The following C1orf141 variants were observed in gnomAD, a reference collection of about 807,000 sequenced individuals.
C1orf141 encodes uncharacterized protein C1orf141.
In C1orf141, 19 loss-of-function variants were observed where a neutral mutation model predicts 23.2. The observed-to-expected ratio is 0.82, with a 90% CI of 0.57 to 1.20. C1orf141 has a LOEUF of 1.20. C1orf141 is among the 50% of genes most tolerant of loss of function. The pLI, the probability that C1orf141 is intolerant of heterozygous loss-of-function variation, is 0.00. For synonymous variants in C1orf141, 153 were observed against 154.6 expected (o/e 0.99, Z 0.08); for missense variants, 469 against 455.1 (o/e 1.03, Z -0.28).
intron 5 of C1orf141, 74 bp from the exon 6 acceptor site, chr1:67,096,395 T>G: frequency 1.3e-6 from 1 of 769,238 alleles, no homozygotes; most frequent in Non-Finnish European, 2.1e-6. Context: ...GCACAAAATA[T>G]TTTACAATTT....
intron 3 of C1orf141, 104 bp downstream of exon 3, chr1:67,127,062 T>C: frequency 2.9e-6 from 2 of 689,452 alleles, no homozygotes; most frequent in African/African-American, 1.8e-5. Flanking sequence ...TACAAATTAG[T>C]TTATATCATA....
chr1:67,104,540 G>A (rs2102436974), intron 5 of C1orf141, among the ~76,000 whole-genome samples: 1 of 152,172 alleles, frequency 6.6e-6, no homozygotes, highest in South Asian at 2.1e-4. Flanking sequence ...ATTCTTAAAA[G>A]GAATGTAAGG....
At position 67,096,290 on chromosome 1, in the gene C1orf141, C is replaced by G; in HGVS notation, c.378G>C (p.Leu126Phe). The part of the protein sequence containing the change: ...AQIEKKPRKP[L>F]DSVGLLEGDR... The stretch of plus-strand genomic sequence containing the variant: ...CACCTTCTAAGAGACCAACAGAATC[C>G]AATGGTTTCCTAGGTTTTTTTTCAA... The change falls in exon 6 of 8, where the codon TTG (leucine) becomes TTC (phenylalanine). Residue 126 changes from leucine (L) to phenylalanine (F), a missense_variant. Physicochemically the swap from Leu to Phe is conservative, Grantham distance 22. This residue lies in a region of C1orf141 where 370 missense variants were observed against 348.1 expected (regional missense o/e 1.06). Coordinates refer to ENST00000684719, the MANE Select transcript of C1orf141 (RefSeq NM_001276351.2). 6.5e-7 allele frequency: 1 copy of G among 1,529,922 alleles called. No homozygotes were observed. Among genetic ancestry groups the G allele is most frequent in the Non-Finnish European group, 8.9e-7 (1 of 1,126,144 alleles). 94.8% of individuals were successfully genotyped at this position (1,529,922 alleles called of 1,614,324 possible).
chr1:67,121,576 T>C (rs1646299717), intron 4 of C1orf141: 2 of 152,234 alleles, frequency 1.3e-5, no homozygotes, highest in Admixed American at 1.3e-4. Flanking sequence ...CCATGAATAA[T>C]AGTAAAATAT....
At chr1:67,141,149 A>G (rs1646633453) in intron 1 of C1orf141, among the ~76,000 whole-genome samples, 1 of 152,244 alleles carries the variant, frequency 6.6e-6, no homozygotes, top group Non-Finnish European at 1.5e-5. Context: ...CTTTATACAC[A>G]GAATGATTCT....
At chr1:67,140,234 T>G (rs913901362) in intron 1 of C1orf141, among the ~76,000 whole-genome samples, 3 of 152,192 alleles carry the variant, frequency 2.0e-5, no homozygotes, top group Non-Finnish European at 4.4e-5. Context: ...GCAAAATATT[T>G]AAAGTAAAAA....
chr1:67,119,201 A>G (rs750627177), intron 4 of C1orf141, among the ~76,000 whole-genome samples: 1 of 152,218 alleles, frequency 6.6e-6, no homozygotes, highest in African/African-American at 2.4e-5. Flanking sequence ...GATGAACAAA[A>G]TGTTGGTAGA....
Position 67,127,275 on chromosome 1 carries a change from G to A in C1orf141, c.-17-18C>T, listed in dbSNP as rs146536890. 7.3e-7 allele frequency: 1 copy of A among 1,379,090 alleles called. No homozygotes were observed. The highest frequency in any genetic ancestry group is 1.0e-6 in the Non-Finnish European group (1 of 979,826). The allele number at this position is 1,379,090 out of a possible 1,614,324, so 85.4% of individuals were successfully genotyped here. ...CTAAATTCCTATTTTAAAATAAGGA[G>A]GAAGAAGAACAAATCAATTCAAATT... On this transcript the variant is annotated intron_variant, in intron 2 of 7. Transcript: ENST00000684719.
chr1:67,115,439 C>T lies in C1orf141; in HGVS notation c.259G>A (p.Glu87Lys). The T allele has an allele frequency of 6.8e-7, 1 of 1,476,830 alleles. No homozygotes were observed. The highest frequency in any genetic ancestry group is 9.3e-7 in the Non-Finnish European group (1 of 1,076,204). The allele number at this position is 1,476,830 out of a possible 1,614,324, so 91.5% of individuals were successfully genotyped here. The change falls in exon 5 of 8, where the codon GAA (glutamate) becomes AAA (lysine). Residue 87 changes from glutamate (E) to lysine (K), a missense_variant. By Grantham distance (56) the Glu-to-Lys change is moderately conservative (BLOSUM62 1). This residue lies in a region of C1orf141 where 4 missense variants were observed against 16.7 expected (regional missense o/e 0.24). Transcript: ENST00000684719. ...TTTTCAAAATTACTCTTTCTAGGTT[C>T]AGGCTCACATTTGAAAGAGACATGC... is the stretch of plus-strand genomic sequence containing the variant. ...KMHVSFKCEP[E>K]PRKSNFEKSN...
At chr1:67,131,891 T>C (rs1281835136) in intron 1 of C1orf141, among the ~76,000 whole-genome samples, 1 of 151,384 alleles carries the variant, frequency 6.6e-6, no homozygotes, top group Non-Finnish European at 1.5e-5. Flanking sequence ...TTCAAGTGAT[T>C]CTCCTGCCTC....
At chr1:67,099,015 A>G (rs931208781) in intron 5 of C1orf141, among the ~76,000 whole-genome samples, 1 of 152,222 alleles carries the variant, frequency 6.6e-6, no homozygotes, top group Non-Finnish European at 1.5e-5. Context: ...CAAGTCTTGG[A>G]CATTTACCCA....
chr1:67,095,931 G>A (rs373207163), intron 6 of C1orf141: 3 of 204,444 alleles, frequency 1.5e-5, no homozygotes, highest in African/African-American at 7.0e-5. Flanking sequence ...GAGATGGAAG[G>A]GTTCATGAGA....
rs58157985 is a variant in C1orf141 at position 67,109,326 on chromosome 1, C to CAAAAAAA, written c.346+6019_346+6025dup. 6.6e-4 allele frequency among the ~76,000 whole-genome samples: 55 copies of CAAAAAAA among 83,410 alleles called. 2 individuals carry two copies. Among genetic ancestry groups the CAAAAAAA allele is most frequent in the African/African-American group, 2.5e-3 (50 of 20,304 alleles). 54.7% of individuals were successfully genotyped at this position (83,410 alleles called of 152,430 possible). ...TGGGCGACAGAGCGAGACTCCGTCT[C>CAAAAAAA]AAAAAAAAAAAAAAAAAAAAAAAAA... On this transcript the variant is annotated intron_variant, in intron 5 of 7. Coordinates refer to ENST00000684719, the MANE Select transcript of C1orf141 (RefSeq NM_001276351.2).
chr1:67,125,039 TA>T (rs1358845738), intron 4 of C1orf141, among the ~76,000 whole-genome samples: 1 of 152,212 alleles, frequency 6.6e-6, no homozygotes, highest in African/African-American at 2.4e-5. Flanking sequence ...ATGCAAGTAC[TA>T]AATGCCAGTG....
intron 5 of C1orf141, among the ~76,000 whole-genome samples, chr1:67,114,555 A>G (rs1317479271): frequency 2.0e-5 from 3 of 152,254 alleles, no homozygotes; most frequent in African/African-American, 7.2e-5. Context: ...AAGAAGGTTG[A>G]TGAGAATTAT....
chr1:67,108,799 A>T (rs1358731079), intron 5 of C1orf141, among the ~76,000 whole-genome samples: 1 of 152,128 alleles, frequency 6.6e-6, no homozygotes, highest in Non-Finnish European at 1.5e-5. Context: ...TGAATAGATA[A>T]TTTTCAAAAT....
chr1:67,120,972 C>G (rs186348021), intron 4 of C1orf141, among the ~76,000 whole-genome samples: 30 of 152,284 alleles, frequency 2.0e-4, no homozygotes, highest in African/African-American at 7.0e-4. Flanking sequence ...TGTAGCTGCT[C>G]TCCTTGGTTG....
intron 5 of C1orf141, among the ~76,000 whole-genome samples, chr1:67,108,494 T>C (rs973460697): frequency 2.0e-5 from 3 of 152,134 alleles, no homozygotes; most frequent in Non-Finnish European, 4.4e-5. Context: ...CAACCACATA[T>C]GATAAAAATC....
upstream of C1orf141, among the ~76,000 whole-genome samples, chr1:67,135,994 G>A (rs556827098): frequency 6.8e-5 from 10 of 147,164 alleles, no homozygotes; most frequent in South Asian, 2.1e-3. Context: ...TGAAAACACT[G>A]GAATCAATTT....
Sources: allele counts gnomAD v4.1 joint callset (sites outside exome capture counted in the v4.1 genomes callset), GRCh38; gene constraint gnomAD v4.1.1; regional missense constraint gnomAD v4.1.1; transcripts MANE v1.5; gene names NCBI Gene and HGNC (gene_info 2026-07-23, HGNC 2026-07-21).